The following TMEM132D variants were observed in gnomAD, a reference collection of about 807,000 sequenced individuals.
TMEM132D encodes the protein mature OL transmembrane protein.
TMEM132D carries 21 observed loss-of-function variants against 62.3 expected under a neutral mutation model. That is an observed-to-expected ratio of 0.34 (90% confidence interval 0.24 to 0.49). The LOEUF (loss-of-function observed/expected upper bound fraction) is 0.49, where lower values mean the gene tolerates loss of function less well. TMEM132D is among the 20% of genes least tolerant of loss of function. The pLI, the probability that TMEM132D is intolerant of heterozygous loss-of-function variation, is 0.99. For missense variants in TMEM132D, 1,346 were observed against 1,402.8 expected (o/e 0.96, Z 0.65); for synonymous variants, 621 against 575.6 (o/e 1.08, Z -1.13).
chr12:129,659,758 A>G lies in TMEM132D; in HGVS notation c.968+40052T>C, dbSNP rs1880189011. 2.0e-5 allele frequency among the ~76,000 whole-genome samples: 3 copies of G among 152,168 alleles called. No individual in the cohort carries two copies. The South Asian group carries it at 6.2e-4, about 32-fold the overall frequency. On this transcript the variant is annotated intron_variant, in intron 2 of 8. Coordinates refer to ENST00000422113, the MANE Select transcript of TMEM132D (RefSeq NM_133448.3). ...TTTTGTTCACAAGCATTTTTTCATGAAATATAATCTAGCTCTAAAAAATAG... is the reference window on the plus strand; with the variant it reads ...TTTTGTTCACAAGCATTTTTTCATGGAATATAATCTAGCTCTAAAAAATAG...
At chr12:129,671,747 G>A (rs1231962460) in intron 2 of TMEM132D, among the ~76,000 whole-genome samples, 3 of 152,168 alleles carry the variant, frequency 2.0e-5, no homozygotes, top group African/African-American at 7.2e-5. Context: ...CCAAGAGAAG[G>A]ACAAGCTATT....
At chr12:129,585,164 T>C (rs1448403348) in intron 2 of TMEM132D, among the ~76,000 whole-genome samples, 1 of 152,188 alleles carries the variant, frequency 6.6e-6, no homozygotes, top group Non-Finnish European at 1.5e-5. Flanking sequence ...GCAATGGCAT[T>C]TCATCCATAT....
intron 2 of TMEM132D, chr12:129,682,858 C>CCAAA (rs1565947661): frequency 4.5e-5 from 2 of 44,414 alleles, no homozygotes; most frequent in Non-Finnish European, 4.7e-5. Context: ...GACTCCATCT[C>CCAAA]TAAAAAAAAA....
chr12:129,705,486 T>C (rs948385629), intron 1 of TMEM132D, among the ~76,000 whole-genome samples: 4 of 152,204 alleles, frequency 2.6e-5, no homozygotes, highest in Non-Finnish European at 5.9e-5. Flanking sequence ...TAAAAAATAA[T>C]GATAAATATT....
chr12:129,698,519 A>AAGGGGAGGGGAGAGGGGAGGGGAAGGG (rs1881260031), intron 2 of TMEM132D, among the ~76,000 whole-genome samples: 1 of 89,320 alleles, frequency 1.1e-5, no homozygotes, highest in African/African-American at 4.3e-5. Context: ...TAAAGGAAAA[A>AAGGGGAGGGGAGAGGGGAGGGGAAGGG]AGGGGAGGGG....
intron 2 of TMEM132D, among the ~76,000 whole-genome samples, chr12:129,628,480 G>A (rs1313120624): frequency 6.6e-6 from 1 of 152,188 alleles, no homozygotes; most frequent in Non-Finnish European, 1.5e-5. Context: ...CATTAGGCAG[G>A]AAGGCTTGCC....
At chr12:129,155,973 C>T (rs1389307397) in intron 5 of TMEM132D, among the ~76,000 whole-genome samples, 1 of 151,898 alleles carries the variant, frequency 6.6e-6, no homozygotes, top group East Asian at 1.9e-4. Context: ...TGATAACTAA[C>T]CCATCCCCAA....
intron 3 of TMEM132D, among the ~76,000 whole-genome samples, chr12:129,376,250 T>C (rs1048044340): frequency 2.0e-5 from 3 of 152,118 alleles, no homozygotes; most frequent in East Asian, 1.9e-4. Flanking sequence ...GGGTGATGCA[T>C]AAAGGAAAGA....
chr12:129,199,394 G>A lies in TMEM132D; in HGVS notation c.1443+10126C>T, dbSNP rs565131077. On this transcript the variant is annotated intron_variant, in intron 5 of 8. Transcript: ENST00000422113. The stretch of plus-strand genomic sequence containing the variant: ...TGGGATTACAGGTGTGAACCACCAC[G>A]CTCAGCTAACTCTAATTACTTTTAA... 7.2e-5 allele frequency among the ~76,000 whole-genome samples: 11 copies of A among 152,182 alleles called. No homozygotes were observed. In the South Asian group the frequency reaches 1.7e-3, roughly 23 times the overall value.
intron 2 of TMEM132D, among the ~76,000 whole-genome samples, chr12:129,635,893 G>A (rs1879463852): frequency 1.3e-5 from 2 of 152,204 alleles, no homozygotes; most frequent in African/African-American, 4.8e-5. Context: ...TACATGTAGG[G>A]TATACATTGG....
intron 4 of TMEM132D, among the ~76,000 whole-genome samples, chr12:129,258,379 A>G (rs1880465213): frequency 6.6e-6 from 1 of 152,204 alleles, no homozygotes; most frequent in East Asian, 1.9e-4. Context: ...GTGGAATGAT[A>G]CTATTCTTGA....
chr12:129,237,434 G>A (rs1034351740), intron 4 of TMEM132D, among the ~76,000 whole-genome samples: 4 of 152,046 alleles, frequency 2.6e-5, no homozygotes, highest in African/African-American at 9.7e-5. Context: ...GATCTATTGT[G>A]TTGAAATTTT....
At chr12:129,616,793 G>A (rs959926285) in intron 2 of TMEM132D, among the ~76,000 whole-genome samples, 6 of 152,138 alleles carry the variant, frequency 3.9e-5, no homozygotes, top group Admixed American at 6.5e-5. Context: ...ACCCAGTCTC[G>A]GGTACGTCTT....
chr12:129,353,322 A>G (rs943910255), intron 3 of TMEM132D, among the ~76,000 whole-genome samples: 4 of 152,166 alleles, frequency 2.6e-5, no homozygotes, highest in African/African-American at 9.7e-5. Context: ...TGAAGCAAGG[A>G]AAATTTAAAA....
intron 3 of TMEM132D, among the ~76,000 whole-genome samples, chr12:129,526,607 T>C (rs1876049659): frequency 6.6e-6 from 1 of 152,194 alleles, no homozygotes; most frequent in African/African-American, 2.4e-5. Context: ...AACAGAACAC[T>C]GATTTTGAAC....
intron 3 of TMEM132D, among the ~76,000 whole-genome samples, chr12:129,496,422 G>T (rs1874958303): frequency 6.6e-6 from 1 of 152,068 alleles, no homozygotes; most frequent in Non-Finnish European, 1.5e-5. Flanking sequence ...GAAATGTTTG[G>T]CTGACTCAGC....
At chr12:129,242,925 G>A (rs991338716) in intron 4 of TMEM132D, among the ~76,000 whole-genome samples, 16 of 90,644 alleles carry the variant, frequency 1.8e-4, no homozygotes, top group African/African-American at 5.8e-4. Context: ...AGTCCAGTAA[G>A]AGAGGCAGTA....
At chr12:129,902,395 C>T (rs985736684) in intron 1 of TMEM132D, among the ~76,000 whole-genome samples, 1 of 152,186 alleles carries the variant, frequency 6.6e-6, no homozygotes, top group Non-Finnish European at 1.5e-5. Flanking sequence ...GGTGGGGGAA[C>T]CACACACAAG....
At chr12:129,502,281 G>A (rs1169910603) in intron 3 of TMEM132D, among the ~76,000 whole-genome samples, 1 of 152,156 alleles carries the variant, frequency 6.6e-6, no homozygotes, top group Non-Finnish European at 1.5e-5. Flanking sequence ...TTACAAGCGT[G>A]AGCCACGGCG....
Sources: allele counts gnomAD v4.1 joint callset (sites outside exome capture counted in the v4.1 genomes callset), GRCh38; gene constraint gnomAD v4.1.1; transcripts MANE v1.5; gene names NCBI Gene and HGNC (gene_info 2026-07-23, HGNC 2026-07-21).